NTN4: variants seen among roughly 807,000 people sequenced by gnomAD.
NTN4 encodes the protein netrin-4.
In NTN4, 32 loss-of-function variants were observed where a neutral mutation model predicts 73.6. That is an observed-to-expected ratio of 0.44 (90% CI 0.33 to 0.58). The LOEUF (loss-of-function observed/expected upper bound fraction) is 0.58, where lower values mean the gene tolerates loss of function less well. Ranked by LOEUF, NTN4 falls within the 20% of genes least tolerant of loss-of-function variation. The probability of loss-of-function intolerance (pLI) is 0.04; values close to 1 mark genes in which losing one functional copy is unlikely to be tolerated. For missense variants in NTN4, 654 were observed against 798.3 expected (o/e 0.82, Z 2.18); for synonymous variants, 258 against 287.5 (o/e 0.90, Z 1.04).
Position 95,787,183 on chromosome 12 carries a change from C to A in NTN4, c.341G>T (p.Arg114Ile), listed in dbSNP as rs781431513. The A allele has an allele frequency of 2.9e-5, 47 of 1,614,128 alleles. No individual in the cohort carries two copies. In the South Asian group the frequency reaches 4.9e-4, roughly 17 times the overall value. ...TTCCAGGTCTAACTGGATCTTTTCT[C>A]TGTGCACATCCTCCGCAGACTGCCA... ...TWWQSAEDVH[R>I]EKIQLDLEAE... The change falls in exon 2 of 10, where the codon AGA becomes ATA. Residue 114 changes from arginine to isoleucine, a missense_variant. By Grantham distance (97) the Arg-to-Ile change is moderately conservative. Coordinates refer to ENST00000343702, the MANE Select transcript of NTN4 (RefSeq NM_021229.4).
At chr12:95,682,001 G>C (rs1353582705) in intron 7 of NTN4, among the ~76,000 whole-genome samples, 1 of 136,576 alleles carries the variant, frequency 7.3e-6, no homozygotes, top group Non-Finnish European at 1.5e-5. Flanking sequence ...AGGTTTATAA[G>C]AATATTTTTC....
chr12:95,776,311 G>A (rs2079091947), intron 2 of NTN4, among the ~76,000 whole-genome samples: 1 of 152,238 alleles, frequency 6.6e-6, no homozygotes, highest in South Asian at 2.1e-4. Context: ...GCTGGATGGA[G>A]AATGACTTTG....
At chr12:95,702,618 ATGATATTGTCAT>A (rs1251914524) in intron 5 of NTN4, among the ~76,000 whole-genome samples, 1 of 152,214 alleles carries the variant, frequency 6.6e-6, no homozygotes, top group Admixed American at 6.5e-5. Flanking sequence ...AGCAATTACT[ATGATATTGTCAT>A]CATCATCACC....
At chr12:95,676,190 G>T (rs186124547) in intron 7 of NTN4, among the ~76,000 whole-genome samples, 22 of 152,188 alleles carry the variant, frequency 1.4e-4, no homozygotes, top group African/African-American at 4.8e-4. Flanking sequence ...TGCAACCTCT[G>T]CCTTCCAGGT....
chr12:95,721,094 A>G (rs73379003), intron 3 of NTN4, among the ~76,000 whole-genome samples: 7,023 of 152,250 alleles, frequency 0.046, 395 homozygotes, highest in African/African-American at 0.13. Flanking sequence ...CTTAACCCCT[A>G]AACTATGCCA....
chr12:95,742,799 C>T (rs2078836136), intron 2 of NTN4, among the ~76,000 whole-genome samples: 1 of 152,170 alleles, frequency 6.6e-6, no homozygotes, highest in African/African-American at 2.4e-5. Flanking sequence ...GCATGTCCCA[C>T]AGTCTCTGGC....
chr12:95,700,079 G>GTTTTTTTTTTT (rs1565888823), intron 5 of NTN4, among the ~76,000 whole-genome samples: 1 of 86,292 alleles, frequency 1.2e-5, no homozygotes, highest in Non-Finnish European at 2.5e-5. Flanking sequence ...CTAAAGTGAG[G>GTTTTTTTTTTT]ATTTTTTTTT....
intron 2 of NTN4, among the ~76,000 whole-genome samples, chr12:95,762,294 C>T (rs1334264548): frequency 1.3e-5 from 2 of 152,198 alleles, no homozygotes; most frequent in Non-Finnish European, 2.9e-5. Context: ...ACCAAACAGA[C>T]TTCAAAGGCA....
chr12:95,777,809 A>C (rs1476930674), intron 2 of NTN4, among the ~76,000 whole-genome samples: 1 of 152,216 alleles, frequency 6.6e-6, no homozygotes, highest in Middle Eastern at 3.2e-3. Context: ...CTCTGCACCA[A>C]CTGGACCTAA....
intron 5 of NTN4, among the ~76,000 whole-genome samples, chr12:95,685,040 T>G (rs2078350902): frequency 6.6e-6 from 1 of 152,104 alleles, no homozygotes; most frequent in East Asian, 1.9e-4. Context: ...CAGCTAATTT[T>G]TGTATTTTTT....
rs2078105590 is a variant in NTN4, at chr12:95,658,079, CTA to C, written c.*1005_*1006del. 6.6e-6 allele frequency: 1 copy of C among 152,400 alleles called. No individual in the cohort carries two copies. Among genetic ancestry groups the C allele is most frequent in the East Asian group, 1.9e-4 (1 of 5,182 alleles). 9.4% of individuals were successfully genotyped at this position (152,400 alleles called of 1,614,324 possible). On this transcript the variant is annotated 3_prime_UTR_variant, in exon 10 of 10. Coordinates refer to ENST00000343702, the MANE Select transcript of NTN4 (RefSeq NM_021229.4). ...GTTAAAAAACAGGTAAATATAATGA[CTA>C]TTACTGTTAAGAAAGACAAGGAGGA...
intron 2 of NTN4, among the ~76,000 whole-genome samples, chr12:95,749,798 T>C (rs1322963111): frequency 6.7e-6 from 1 of 149,034 alleles, no homozygotes; most frequent in African/African-American, 2.5e-5. Context: ...CCTTCTCTGC[T>C]TTTCTGGGGG....
intron 8 of NTN4, 90 bp downstream of exon 8, chr12:95,669,988 A>G (rs780262315): frequency 3.0e-6 from 2 of 674,156 alleles, no homozygotes; most frequent in East Asian, 2.6e-5. Flanking sequence ...TTTATACACA[A>G]TGTCATCAGT....
At chr12:95,778,489 G>C (rs1305941701) in intron 2 of NTN4, among the ~76,000 whole-genome samples, 1 of 152,064 alleles carries the variant, frequency 6.6e-6, no homozygotes, top group Non-Finnish European at 1.5e-5. Context: ...TATCACCACC[G>C]ATCCCACAGA....
chr12:95,717,762 G>C (rs1210353078), intron 3 of NTN4, among the ~76,000 whole-genome samples: 1 of 151,998 alleles, frequency 6.6e-6, no homozygotes. Context: ...CAGGAAAATG[G>C]GATTATGTAT....
chr12:95,754,014 C>T (rs2078929486), intron 2 of NTN4, among the ~76,000 whole-genome samples: 1 of 152,162 alleles, frequency 6.6e-6, no homozygotes, highest in South Asian at 2.1e-4. Flanking sequence ...GCTGATATCT[C>T]CTGGTGCTAT....
At chr12:95,670,794 A>T (rs1425036297) in intron 7 of NTN4, among the ~76,000 whole-genome samples, 1 of 152,188 alleles carries the variant, frequency 6.6e-6, no homozygotes, top group African/African-American at 2.4e-5. Context: ...GGAAGATGGG[A>T]AAAAACTTCT....
At chr12:95,722,537 A>T (rs1011860733) in intron 3 of NTN4, among the ~76,000 whole-genome samples, 9 of 152,246 alleles carry the variant, frequency 5.9e-5, no homozygotes, top group Admixed American at 5.9e-4. Flanking sequence ...GAGGTTGAGG[A>T]TCCCTTGAGC....
chr12:95,748,440 G>T (rs1370505908), intron 2 of NTN4, among the ~76,000 whole-genome samples: 1 of 148,680 alleles, frequency 6.7e-6, no homozygotes, highest in East Asian at 2.0e-4. Context: ...CTAATAAAAA[G>T]ACAAATCACC....
Sources: gnomAD v4.1 joint callset for allele counts (sites outside exome capture counted in the v4.1 genomes callset) on GRCh38, gnomAD v4.1.1 for gene constraint, MANE v1.5 for transcripts, NCBI Gene and HGNC (gene_info 2026-07-23, HGNC 2026-07-21) for gene names.